The following RBPMS variants were observed in gnomAD, a reference collection of about 807,000 sequenced individuals.
RBPMS encodes the protein RNA-binding protein with multiple splicing.
A neutral mutation model predicts 26.8 loss-of-function variants in RBPMS; 7 were observed. That is an observed-to-expected ratio of 0.26 (90% CI 0.15 to 0.49). The LOEUF is 0.49. RBPMS is among the 20% of genes least tolerant of loss of function. The pLI is 0.98. For synonymous variants in RBPMS, 96 were observed against 93.3 expected (o/e 1.03, Z -0.17); for missense variants, 186 against 250.0 (o/e 0.74, Z 1.73).
intron 1 of RBPMS, among the ~76,000 whole-genome samples, chr8:30,465,869 G>A (rs1585560544): frequency 6.6e-6 from 1 of 152,182 alleles, no homozygotes; most frequent in African/African-American, 2.4e-5. Flanking sequence ...GGCTGGGATT[G>A]GCTCCTCAAA....
intron 1 of RBPMS, among the ~76,000 whole-genome samples, chr8:30,430,686 AT>A: frequency 6.6e-6 from 1 of 152,304 alleles, no homozygotes; most frequent in Admixed American, 6.5e-5. Context: ...CATTTTATAC[AT>A]GTTTGAGTTA....
intron 1 of RBPMS, among the ~76,000 whole-genome samples, chr8:30,458,528 C>T (rs1164972503): frequency 6.6e-6 from 1 of 151,856 alleles, no homozygotes; most frequent in Non-Finnish European, 1.5e-5. Context: ...AGTTTATATG[C>T]TTTAACACTA....
chr8:30,499,406 T>G (rs1213710949), intron 4 of RBPMS, among the ~76,000 whole-genome samples: 5 of 152,218 alleles, frequency 3.3e-5, no homozygotes, highest in Admixed American at 3.3e-4. Context: ...TTATATAGTC[T>G]GGAAATATCT....
At chr8:30,530,443 C>A (rs1824088034) in intron 5 of RBPMS, among the ~76,000 whole-genome samples, 1 of 152,096 alleles carries the variant, frequency 6.6e-6, no homozygotes, top group South Asian at 2.1e-4. Context: ...AATATGTGTT[C>A]TGTCATGGGA....
At chr8:30,549,804 T>TCTCCCCCC (rs1383466717) in intron 6 of RBPMS, among the ~76,000 whole-genome samples, 3 of 102,818 alleles carry the variant, frequency 2.9e-5, no homozygotes, top group Admixed American at 1.0e-4. Context: ...CTCCCCTCTC[T>TCTCCCCCC]CCTCTCTCTC....
rs543606157 is a variant in RBPMS at position 30,519,665 on chromosome 8, T to C, written c.397+15229T>C. 2.6e-5 allele frequency among the ~76,000 whole-genome samples: 4 copies of C among 152,042 alleles called. No individual in the cohort carries two copies. In the East Asian group the frequency reaches 7.7e-4, roughly 29 times the overall value. On this transcript the variant is annotated intron_variant, in intron 5 of 8. Coordinates refer to ENST00000397323, the MANE Select transcript of RBPMS (RefSeq NM_001008710.3). ...CGCCCGGCTAATATTTTTATTTTTA[T>C]TTTTTGTATTTTTAGTAGAGATGGA...
intron 6 of RBPMS, among the ~76,000 whole-genome samples, chr8:30,553,964 G>T (rs1334258688): frequency 6.6e-6 from 1 of 152,114 alleles, no homozygotes; most frequent in African/African-American, 2.4e-5. Flanking sequence ...TTTTAGTAGA[G>T]ATGGGGTTTC....
At chr8:30,475,612 G>GT (rs1182843157) in intron 2 of RBPMS, among the ~76,000 whole-genome samples, 3 of 152,194 alleles carry the variant, frequency 2.0e-5, no homozygotes, top group African/African-American at 7.2e-5. Context: ...TTGATTTCTG[G>GT]TTAAAGATCA....
intron 6 of RBPMS, chr8:30,553,028 T>C (rs1458618817): frequency 6.6e-6 from 1 of 152,242 alleles, no homozygotes; most frequent in Non-Finnish European, 1.5e-5. Context: ...TTTCCAGCTG[T>C]TGGGGCAGGT....
intron 1 of RBPMS, among the ~76,000 whole-genome samples, chr8:30,413,701 C>T (rs1756077500): frequency 6.6e-6 from 1 of 152,054 alleles, no homozygotes; most frequent in Admixed American, 6.5e-5. Flanking sequence ...CAACCTCCGC[C>T]TCCCCAGGTT....
At chr8:30,429,065 T>A (rs536722199) in intron 1 of RBPMS, among the ~76,000 whole-genome samples, 23 of 152,294 alleles carry the variant, frequency 1.5e-4, no homozygotes, top group Admixed American at 1.2e-3. Context: ...TGTATTTTAT[T>A]TGTAGGCAGG....
chr8:30,494,883 C>CA (rs1292862796), intron 4 of RBPMS, among the ~76,000 whole-genome samples: 1 of 152,146 alleles, frequency 6.6e-6, no homozygotes, highest in Non-Finnish European at 1.5e-5. Context: ...ACCTTAAACA[C>CA]AATGTATTGT....
chr8:30,393,239 T>C (rs1807999944), intron 1 of RBPMS, among the ~76,000 whole-genome samples: 1 of 152,112 alleles, frequency 6.6e-6, no homozygotes, highest in Admixed American at 6.5e-5. Flanking sequence ...CTTTCTCATA[T>C]GCTTTTTTTT....
chr8:30,554,894 G>GAT (rs1410294813), intron 6 of RBPMS, among the ~76,000 whole-genome samples: 1 of 152,164 alleles, frequency 6.6e-6, no homozygotes, highest in East Asian at 1.9e-4. Flanking sequence ...CTAGAAAGGG[G>GAT]ATAGCGCAAT....
chr8:30,530,668 G>A (rs931445203), intron 5 of RBPMS, among the ~76,000 whole-genome samples: 24 of 151,910 alleles, frequency 1.6e-4, no homozygotes, highest in African/African-American at 5.8e-4. Flanking sequence ...CTCCAGGTTG[G>A]TCAGGTTGGT....
At chr8:30,531,235 C>T (rs1224049465) in intron 5 of RBPMS, among the ~76,000 whole-genome samples, 11 of 152,114 alleles carry the variant, frequency 7.2e-5, no homozygotes, top group South Asian at 2.1e-4. Context: ...ATGGCTTGGA[C>T]ACCTTCATTC....
chr8:30,448,629 A>C (rs1467725235), intron 1 of RBPMS, among the ~76,000 whole-genome samples: 4 of 152,228 alleles, frequency 2.6e-5, no homozygotes, highest in Non-Finnish European at 5.9e-5. Context: ...AGTGGGTAGA[A>C]ATGGGTATAA....
At chr8:30,416,803 T>G (rs913009184) in intron 1 of RBPMS, among the ~76,000 whole-genome samples, 3 of 151,892 alleles carry the variant, frequency 2.0e-5, no homozygotes, top group Non-Finnish European at 4.4e-5. Flanking sequence ...AGAGTCTCCC[T>G]CAGTCGCCTA....
chr8:30,458,046 G>T (rs537995694), intron 1 of RBPMS, among the ~76,000 whole-genome samples: 1 of 152,190 alleles, frequency 6.6e-6, no homozygotes, highest in South Asian at 2.1e-4. Context: ...AATGGGCATG[G>T]TATTTGCATA....
Sources: allele counts gnomAD v4.1 joint callset (sites outside exome capture counted in the v4.1 genomes callset), GRCh38; gene constraint gnomAD v4.1.1; transcripts MANE v1.5; gene names NCBI Gene and HGNC (gene_info 2026-07-23, HGNC 2026-07-21).